The following FMR1NB variants were observed in gnomAD, a reference collection of about 807,000 sequenced individuals.
FMR1NB encodes the protein FMR1 neighbor, also known as FMR1 neighbor protein.
FMR1NB carries 10 observed loss-of-function variants against 16.8 expected under a neutral mutation model. That is an observed-to-expected ratio of 0.60 (90% CI 0.37 to 1.01). The LOEUF (loss-of-function observed/expected upper bound fraction) is 1.01, where lower values mean the gene tolerates loss of function less well. Among genes scored for constraint, FMR1NB ranks in the 50% least tolerant of loss-of-function variants. The probability of loss-of-function intolerance (pLI) is 0.01; values close to 1 mark genes in which losing one functional copy is unlikely to be tolerated. For missense variants in FMR1NB, 205 were observed against 204.8 expected (o/e 1.00, Z 0.00); for synonymous variants, 83 against 79.1 (o/e 1.05, Z -0.26).
At chrX:147,992,731 C>T (rs1276034928) in intron 1 of FMR1NB, among the ~76,000 whole-genome samples, 1 of 69,652 alleles carries the variant, frequency 1.4e-5, no homozygotes, top group Admixed American at 1.5e-4. Flanking sequence ...CTCCTCACCT[C>T]CCAGACAGGG....
chrX:147,999,022 C>T (rs1365177621), intron 1 of FMR1NB, among the ~76,000 whole-genome samples: 6 of 111,599 alleles, frequency 5.4e-5, no homozygotes, highest in African/African-American at 9.8e-5. Context: ...TAGAAAGTTT[C>T]CATCTGGCAT....
chrX:148,003,509 A>G (rs1251080928), intron 2 of FMR1NB, among the ~76,000 whole-genome samples, 189 bp downstream of exon 2: 2 of 112,448 alleles, frequency 1.8e-5, no homozygotes, highest in Non-Finnish European at 3.7e-5. Flanking sequence ...TGAAATGAAG[A>G]TATTTACCAC....
chrX:147,990,590 C>G (rs1467797741), intron 1 of FMR1NB, among the ~76,000 whole-genome samples: 1 of 111,839 alleles, frequency 8.9e-6, no homozygotes, highest in Non-Finnish European at 1.9e-5. Context: ...AAAAATTTAT[C>G]TTTGTGTTGG....
intron 1 of FMR1NB, among the ~76,000 whole-genome samples, chrX:147,998,351 G>C (rs2044552989): frequency 9.1e-6 from 1 of 110,283 alleles, no homozygotes; most frequent in African/African-American, 3.4e-5. Flanking sequence ...AACTAACACA[G>C]GGACAGAAAA....
Position 147,981,522 on chromosome X carries a change from C to G in FMR1NB, c.120C>G (p.Ser40Arg), listed in dbSNP as rs782469224. Residue 40 changes from serine to arginine, a missense_variant, in exon 1 of 6, where the codon AGC becomes AGG. Physicochemically the swap from Ser to Arg is moderately radical, Grantham distance 110. Transcript: ENST00000370467. ...CGGCAACTGAGTCGAATCCCGAGAG[C>G]AGCCATCCTGGATACGAGGCCGCCA... ...ELAATESNPE[S>R]SHPGYEAAMA... 8.3e-7 allele frequency: 1 copy of G among 1,212,076 alleles called. No individual in the cohort carries two copies. Among genetic ancestry groups the G allele is most frequent in the Non-Finnish European group, 1.1e-6 (1 of 895,546 alleles).
intron 1 of FMR1NB, 141 bp downstream of exon 1, chrX:147,981,820 A>G: frequency 7.2e-6 from 5 of 694,397 alleles, no homozygotes; most frequent in South Asian, 2.9e-5. Flanking sequence ...AAAGGCCTTT[A>G]TGGCCCTATC....
At chrX:148,024,318 A>G (rs782056410) in intron 4 of FMR1NB, among the ~76,000 whole-genome samples, 1 of 112,160 alleles carries the variant, frequency 8.9e-6, no homozygotes, top group Non-Finnish European at 1.9e-5. Flanking sequence ...GAGAAAGTAT[A>G]TAAAGCACTT....
intron 1 of FMR1NB, among the ~76,000 whole-genome samples, chrX:147,992,424 A>G (rs71507810): frequency 0.014 from 102 of 7,091 alleles, 6 homozygotes; most frequent in African/African-American, 0.048. Flanking sequence ...GGGCAGAGGC[A>G]CCCCTCACCT....
chrX:148,001,176 T>A (rs2044568547), intron 1 of FMR1NB, among the ~76,000 whole-genome samples: 1 of 112,015 alleles, frequency 8.9e-6, no homozygotes, highest in African/African-American at 3.2e-5. Context: ...AATACAATGA[T>A]AAACCTTATT....
intron 1 of FMR1NB, among the ~76,000 whole-genome samples, chrX:147,983,379 A>G (rs181463890): frequency 3.6e-5 from 4 of 112,204 alleles, no homozygotes; most frequent in Non-Finnish European, 3.8e-5. Flanking sequence ...GAAGGTTTCA[A>G]TTTCACCAAT....
At position 148,006,964 on chromosome X, in the gene FMR1NB, G is replaced by A. The variant is rs781788698; in HGVS notation, c.538+122G>A. 2.7e-5 allele frequency: 21 copies of A among 784,852 alleles called. No individual in the cohort carries two copies. In the South Asian group the frequency reaches 4.8e-4, roughly 18 times the overall value. 64.7% of individuals were successfully genotyped at this position (784,852 alleles called of 1,213,427 possible). On this transcript the variant is annotated intron_variant, in intron 3 of 5. Transcript: ENST00000370467. ...TAAATGGGACTCCCAGTCCTAGAGC[G>A]GTGCTCCTTAGAAGGTCCTGAGGTG...
At chrX:147,991,418 ATCT>A (rs2044503854) in intron 1 of FMR1NB, among the ~76,000 whole-genome samples, 1 of 109,258 alleles carries the variant, frequency 9.2e-6, no homozygotes, top group Non-Finnish European at 1.9e-5. Context: ...CTCTACCAAA[ATCT>A]TCTTTCCATG....
intron 5 of FMR1NB, chrX:148,025,833 A>T (rs1485111710): frequency 8.9e-6 from 1 of 112,169 alleles, no homozygotes; most frequent in Non-Finnish European, 1.9e-5. Flanking sequence ...ACAGAGAAGC[A>T]AAGGAATGGA....
intron 1 of FMR1NB, among the ~76,000 whole-genome samples, chrX:147,997,860 T>C (rs1320813562): frequency 8.9e-6 from 1 of 112,069 alleles, no homozygotes; most frequent in South Asian, 3.7e-4. Context: ...AAAAAACTCA[T>C]CATCACTGGT....
At chrX:148,000,005 G>A (rs1308930707) in intron 1 of FMR1NB, among the ~76,000 whole-genome samples, 1 of 111,499 alleles carries the variant, frequency 9.0e-6, no homozygotes, top group Non-Finnish European at 1.9e-5. Context: ...AAGATACAGA[G>A]CATTTGCATA....
chrX:147,986,959 A>AT (rs1266937610), intron 1 of FMR1NB, among the ~76,000 whole-genome samples: 1 of 111,061 alleles, frequency 9.0e-6, no homozygotes, highest in Non-Finnish European at 1.9e-5. Context: ...TGAACATGGA[A>AT]TTTTTTTTCC....
chrX:147,993,289 G>T (rs782656939), intron 1 of FMR1NB, among the ~76,000 whole-genome samples: 3 of 112,017 alleles, frequency 2.7e-5, no homozygotes, highest in African/African-American at 6.5e-5. Context: ...GCCTGCAATC[G>T]CAGGCATTCG....
At chrX:148,011,966 A>G (rs1298698060) in intron 4 of FMR1NB, among the ~76,000 whole-genome samples, 1 of 111,751 alleles carries the variant, frequency 8.9e-6, no homozygotes. Flanking sequence ...CTAAGAATTC[A>G]CTAATAGCCA....
chrX:147,982,941 A>G (rs1305985271), intron 1 of FMR1NB, among the ~76,000 whole-genome samples: 2 of 112,397 alleles, frequency 1.8e-5, no homozygotes, highest in Non-Finnish European at 3.8e-5. Context: ...ACATAAATTA[A>G]CTATTTTATA....
Sources: allele counts gnomAD v4.1 joint callset (sites outside exome capture counted in the v4.1 genomes callset), GRCh38; gene constraint gnomAD v4.1.1; transcripts MANE v1.5; gene names NCBI Gene and HGNC (gene_info 2026-07-23, HGNC 2026-07-21).